MICU1: variants seen among roughly 807,000 people sequenced by gnomAD.
The protein encoded by MICU1 is mitochondrial calcium uptake 1, also known as calcium uptake protein 1, mitochondrial.
MICU1 carries 45 observed loss-of-function variants against 56.8 expected under a neutral mutation model. That is an observed-to-expected ratio of 0.79 (90% CI 0.62 to 1.02). The LOEUF is 1.02. MICU1 is among the 50% of genes least tolerant of loss of function. The pLI, the probability that MICU1 is intolerant of heterozygous loss-of-function variation, is 0.00. For synonymous variants in MICU1, 186 were observed against 195.1 expected (o/e 0.95, Z 0.39); for missense variants, 504 against 587.1 (o/e 0.86, Z 1.46).
At chr10:72,439,991 T>C (rs1864865374) in intron 8 of MICU1, among the ~76,000 whole-genome samples, 1 of 152,062 alleles carries the variant, frequency 6.6e-6, no homozygotes, top group Non-Finnish European at 1.5e-5. Flanking sequence ...ATTTATAGAT[T>C]CAATGCCATC....
At chr10:72,515,194 C>A (rs1371525844) in intron 5 of MICU1, among the ~76,000 whole-genome samples, 1 of 152,184 alleles carries the variant, frequency 6.6e-6, no homozygotes, top group Non-Finnish European at 1.5e-5. Context: ...GGGTGGTCAC[C>A]AGGTAAGTTA....
At chr10:72,443,058 G>A (rs981059045) in intron 8 of MICU1, among the ~76,000 whole-genome samples, 2 of 152,132 alleles carry the variant, frequency 1.3e-5, no homozygotes, top group African/African-American at 4.8e-5. Flanking sequence ...TGCCTGGTCT[G>A]TCCTTTATTT....
At chr10:72,536,926 C>A (rs926520532) in intron 4 of MICU1, among the ~76,000 whole-genome samples, 1 of 152,066 alleles carries the variant, frequency 6.6e-6, no homozygotes, top group Non-Finnish European at 1.5e-5. Context: ...TTTAGGTTAT[C>A]AGGGCAATAC....
chr10:72,541,072 T>C (rs1234972828), intron 4 of MICU1, among the ~76,000 whole-genome samples: 1 of 152,212 alleles, frequency 6.6e-6, no homozygotes, highest in East Asian at 1.9e-4. Context: ...TTTGCAAAGA[T>C]TATGACAGAA....
chr10:72,560,105 G>C (rs753539904), intron 3 of MICU1, among the ~76,000 whole-genome samples: 4 of 151,972 alleles, frequency 2.6e-5, no homozygotes, highest in Non-Finnish European at 5.9e-5. Flanking sequence ...CCAGACCAGA[G>C]GGAAAAAAAT....
At chr10:72,439,142 A>G (rs1327810592) in intron 8 of MICU1, among the ~76,000 whole-genome samples, 1 of 152,246 alleles carries the variant, frequency 6.6e-6, no homozygotes, top group Non-Finnish European at 1.5e-5. Context: ...ATCAATGCAA[A>G]AATCCTCAAT....
intron 8 of MICU1, among the ~76,000 whole-genome samples, chr10:72,468,233 T>C (rs184977276): frequency 7.9e-4 from 120 of 152,234 alleles, no homozygotes; most frequent in African/African-American, 2.6e-3. Flanking sequence ...TAATACCTTT[T>C]CAGTGTCCTT....
chr10:72,611,491 C>G (rs189689129), intron 1 of MICU1, among the ~76,000 whole-genome samples: 96 of 149,700 alleles, frequency 6.4e-4, no homozygotes, highest in African/African-American at 2.3e-3. Context: ...TGTGGTGGTG[C>G]GTGCCTGTAA....
At chr10:72,585,512 T>C (rs1477612019) in intron 1 of MICU1, among the ~76,000 whole-genome samples, 1 of 151,834 alleles carries the variant, frequency 6.6e-6, no homozygotes, top group Non-Finnish European at 1.5e-5. Flanking sequence ...CTAGCCAACA[T>C]GGTGAAACCC....
rs1351084991 is a variant in MICU1, at chr10:72,508,307, T to A, written c.538-38A>T. The A allele has an allele frequency of 4.8e-6, 4 of 833,468 alleles. No individual in the cohort carries two copies. The Admixed American group carries it at 7.2e-5, about 15-fold the overall frequency. The allele number at this position is 833,468 out of a possible 1,614,324, so 51.6% of individuals were successfully genotyped here. A position where few individuals can be genotyped will look rare whatever the true frequency, so the allele number is the denominator to read the frequency against. ...TGGGTCCCACCAAAAGACAAAAATA[T>A]ATAAGTGAATTAGAATATAAATAGT... On this transcript the variant is annotated intron_variant, in intron 5 of 11. Coordinates refer to ENST00000361114, the MANE Select transcript of MICU1 (RefSeq NM_001195518.2).
At chr10:72,584,981 A>AG (rs942645164) in intron 1 of MICU1, among the ~76,000 whole-genome samples, 1 of 152,216 alleles carries the variant, frequency 6.6e-6, no homozygotes, top group African/African-American at 2.4e-5. Flanking sequence ...GGAAAAGGTC[A>AG]GGGTGGGTAG....
At chr10:72,601,700 C>T (rs1318356702) in intron 1 of MICU1, among the ~76,000 whole-genome samples, 1 of 151,716 alleles carries the variant, frequency 6.6e-6, no homozygotes, top group Admixed American at 6.6e-5. Flanking sequence ...AACAAGAAAG[C>T]GTGTGTATTA....
chr10:72,390,000 C>T (rs1039936757), intron 10 of MICU1, among the ~76,000 whole-genome samples: 5 of 152,262 alleles, frequency 3.3e-5, no homozygotes, highest in Non-Finnish European at 7.3e-5. Flanking sequence ...AACGAAGAGA[C>T]GCCTGATAGT....
At chr10:72,572,878 C>T (rs141788837) in intron 1 of MICU1, among the ~76,000 whole-genome samples, 1 of 152,054 alleles carries the variant, frequency 6.6e-6, no homozygotes, top group Admixed American at 6.6e-5. Context: ...TTATGGTGGG[C>T]AATTTGGTAA....
At chr10:72,506,968 C>CAT (rs755552375) in intron 6 of MICU1, among the ~76,000 whole-genome samples, 437 of 151,730 alleles carry the variant, frequency 2.9e-3, no homozygotes, top group African/African-American at 9.5e-3. Flanking sequence ...AAGGCATATA[C>CAT]ATATATATAT....
rs528839626 is a variant in MICU1 at position 72,521,550 on chromosome 10, C to T, written c.537+12196G>A. ...TATATTTGCATTATCTCTTTAAGTCCTTATTGCATACTATTATCTGCACTT... is the reference window on the plus strand; with the variant it reads ...TATATTTGCATTATCTCTTTAAGTCTTTATTGCATACTATTATCTGCACTT... On this transcript the variant is annotated intron_variant, in intron 5 of 11. Coordinates refer to ENST00000361114, the MANE Select transcript of MICU1 (RefSeq NM_001195518.2). Among the ~76,000 whole-genome samples the T allele has an allele frequency of 1.8e-3, 268 of 152,108 alleles. 1 individual carries two copies. Among genetic ancestry groups the T allele is most frequent in the Non-Finnish European group, 2.5e-3 (171 of 67,896 alleles).
At chr10:72,567,057 A>T (rs1179131410) in intron 1 of MICU1, among the ~76,000 whole-genome samples, 2 of 152,144 alleles carry the variant, frequency 1.3e-5, no homozygotes, top group Non-Finnish European at 2.9e-5. Flanking sequence ...TTTAATATAA[A>T]ACATTATTAA....
intron 8 of MICU1, among the ~76,000 whole-genome samples, chr10:72,423,668 T>C (rs932321365): frequency 6.6e-6 from 1 of 152,162 alleles, no homozygotes; most frequent in African/African-American, 2.4e-5. Context: ...AGTTAGGTAT[T>C]CCTAGCCTCT....
intron 1 of MICU1, among the ~76,000 whole-genome samples, chr10:72,573,429 ACACT>A (rs1273220546): frequency 6.6e-6 from 1 of 151,988 alleles, no homozygotes; most frequent in East Asian, 1.9e-4. Context: ...AAGTAACAAC[ACACT>A]CACAAAAAGT....
Sources: allele counts gnomAD v4.1 joint callset (sites outside exome capture counted in the v4.1 genomes callset), GRCh38; gene constraint gnomAD v4.1.1; transcripts MANE v1.5; gene names NCBI Gene and HGNC (gene_info 2026-07-23, HGNC 2026-07-21).